NXPH1: variants seen among roughly 807,000 people sequenced by gnomAD.
The protein encoded by NXPH1 is neurexophilin-1.
A neutral mutation model predicts 23.7 loss-of-function variants in NXPH1; 5 were observed. That is an observed-to-expected ratio of 0.21 (90% confidence interval 0.11 to 0.44). The LOEUF (loss-of-function observed/expected upper bound fraction) is 0.44. NXPH1 is among the 20% of genes least tolerant of loss of function. The pLI is 0.99. For missense variants in NXPH1, 324 were observed against 321.6 expected, an observed-to-expected ratio of 1.01 and a Z score of -0.06; for synonymous variants, 144 against 122.2, an observed-to-expected ratio of 1.18 and a Z score of -1.18.
chr7:8,672,226 G>A (rs1265701462), intron 2 of NXPH1, among the ~76,000 whole-genome samples: 1 of 151,994 alleles, frequency 6.6e-6, no homozygotes, highest in East Asian at 1.9e-4. Context: ...CTATCGCAAG[G>A]ACAAAAAACC....
chr7:8,524,536 T>C (rs1817832553), intron 2 of NXPH1, among the ~76,000 whole-genome samples: 1 of 152,174 alleles, frequency 6.6e-6, no homozygotes, highest in Non-Finnish European at 1.5e-5. Context: ...CTTTGCCCAA[T>C]TAAGGGGACT....
At chr7:8,445,610 A>G (rs1816390739) in intron 2 of NXPH1, among the ~76,000 whole-genome samples, 1 of 152,264 alleles carries the variant, frequency 6.6e-6, no homozygotes, top group Non-Finnish European at 1.5e-5. Flanking sequence ...TGGCACAAAA[A>G]TTACGACAAA....
Position 8,721,898 on chromosome 7 carries a change from G to A in NXPH1, c.55-29110G>A, listed in dbSNP as rs1375599642. On this transcript the variant is annotated intron_variant, in intron 2 of 2. Coordinates refer to ENST00000405863, the MANE Select transcript of NXPH1 (RefSeq NM_152745.3). The stretch of plus-strand genomic sequence containing the variant: ...ACATTTTAATTAAAAGGAAATTAAT[G>A]ATACACTTAGAATATGCTATTTAAT... Among the ~76,000 whole-genome samples, 14 of 152,324 alleles carry A rather than the reference G, an allele frequency of 9.2e-5. No homozygotes were observed. The East Asian group carries it at 2.7e-3, about 29-fold the overall frequency.
At chr7:8,461,937 T>G (rs528575077) in intron 2 of NXPH1, among the ~76,000 whole-genome samples, 1 of 152,046 alleles carries the variant, frequency 6.6e-6, no homozygotes, top group African/African-American at 2.4e-5. Flanking sequence ...ACAAGCTACT[T>G]GGGGTTTATA....
intron 2 of NXPH1, among the ~76,000 whole-genome samples, chr7:8,623,848 C>T (rs1051958973): frequency 2.0e-5 from 3 of 151,752 alleles, no homozygotes; most frequent in Non-Finnish European, 2.9e-5. Context: ...TATCTACATT[C>T]ATACTCAGAC....
At chr7:8,636,296 C>A (rs144788108) in intron 2 of NXPH1, among the ~76,000 whole-genome samples, 2 of 152,034 alleles carry the variant, frequency 1.3e-5, no homozygotes, top group African/African-American at 2.4e-5. Flanking sequence ...CTCAGGGCAC[C>A]GTGGGCATAT....
At chr7:8,465,444 C>T (rs575728361) in intron 2 of NXPH1, among the ~76,000 whole-genome samples, 60 of 146,418 alleles carry the variant, frequency 4.1e-4, no homozygotes, top group Non-Finnish European at 6.6e-4. Flanking sequence ...AGGTCATGGT[C>T]CAGCTCAGCC....
intron 2 of NXPH1, among the ~76,000 whole-genome samples, chr7:8,516,362 A>T (rs575104803): frequency 8.5e-5 from 13 of 152,166 alleles, no homozygotes; most frequent in Admixed American, 2.6e-4. Flanking sequence ...TCATCAATCA[A>T]TAAGAAACCA....
At chr7:8,660,347 C>G (rs993875178) in intron 2 of NXPH1, among the ~76,000 whole-genome samples, 1 of 152,260 alleles carries the variant, frequency 6.6e-6, no homozygotes, top group African/African-American at 2.4e-5. Flanking sequence ...CAACTCTTAA[C>G]TTACTGAACC....
At chr7:8,510,485 T>C (rs1817594062) in intron 2 of NXPH1, among the ~76,000 whole-genome samples, 1 of 152,060 alleles carries the variant, frequency 6.6e-6, no homozygotes, top group Non-Finnish European at 1.5e-5. Flanking sequence ...ATCTACATGT[T>C]CTGCACATAC....
intron 2 of NXPH1, among the ~76,000 whole-genome samples, chr7:8,639,289 C>T (rs532869761): frequency 6.6e-5 from 10 of 152,260 alleles, no homozygotes; most frequent in African/African-American, 2.4e-4. Flanking sequence ...ATAGCTGCCT[C>T]TATATGGGCA....
chr7:8,483,573 G>T (rs934919414), intron 2 of NXPH1, among the ~76,000 whole-genome samples: 6 of 152,014 alleles, frequency 3.9e-5, no homozygotes, highest in Non-Finnish European at 8.8e-5. Context: ...CCTCCCAAAC[G>T]GCTGGGATTA....
At chr7:8,525,034 C>A (rs1171829553) in intron 2 of NXPH1, among the ~76,000 whole-genome samples, 3 of 152,174 alleles carry the variant, frequency 2.0e-5, no homozygotes, top group Non-Finnish European at 4.4e-5. Flanking sequence ...ATTTGAAGGG[C>A]TCAGAAGAAG....
intron 2 of NXPH1, among the ~76,000 whole-genome samples, chr7:8,451,161 T>G (rs1816500861): frequency 6.6e-6 from 1 of 151,946 alleles, no homozygotes; most frequent in African/African-American, 2.4e-5. Flanking sequence ...TATTTTTTCT[T>G]ATAGATCCCT....
chr7:8,572,412 A>G (rs536524469), intron 2 of NXPH1, among the ~76,000 whole-genome samples: 1 of 152,010 alleles, frequency 6.6e-6, no homozygotes, highest in Non-Finnish European at 1.5e-5. Flanking sequence ...AAATTATGCC[A>G]TGATTTTTCT....
At position 8,435,802 on chromosome 7, in the gene NXPH1, T is replaced by C. The variant is rs181437833; in HGVS notation, c.54+35T>C. 213 of 1,608,160 alleles carry C rather than the reference T, an allele frequency of 1.3e-4. No homozygotes were observed. The highest frequency in any genetic ancestry group is 1.7e-4 in the Non-Finnish European group (195 of 1,174,738). ...GGAAGGTTCGGGGCTTTCGCATTTT[T>C]ACCCCGGCCGGGAGGCAAGGAAACT... is the stretch of plus-strand genomic sequence containing the variant. On this transcript the variant is annotated intron_variant, in intron 2 of 2. Transcript: ENST00000405863. This position sits in a 1 kb window ranked among gnomAD's most constrained non-coding sequence, Gnocchi z 5.9.
At chr7:8,699,346 A>C (rs1284308967) in intron 2 of NXPH1, among the ~76,000 whole-genome samples, 3 of 152,118 alleles carry the variant, frequency 2.0e-5, no homozygotes, top group Non-Finnish European at 2.9e-5. Flanking sequence ...CTAATTGTTT[A>C]TTAGAAAAGA....
intron 2 of NXPH1, among the ~76,000 whole-genome samples, chr7:8,555,136 G>C (rs1192490424): frequency 1.3e-5 from 2 of 151,684 alleles, no homozygotes; most frequent in Non-Finnish European, 3.0e-5. Context: ...CTGGTGTCAA[G>C]AGCCTGTGGT....
chr7:8,700,959 T>C (rs1436740295), intron 2 of NXPH1, among the ~76,000 whole-genome samples: 1 of 152,140 alleles, frequency 6.6e-6, no homozygotes, highest in Non-Finnish European at 1.5e-5. Flanking sequence ...ATGTGAAATT[T>C]AGATGAAGTT....
Sources: gnomAD v4.1 joint callset for allele counts (sites outside exome capture counted in the v4.1 genomes callset) on GRCh38, gnomAD v4.1.1 for gene constraint, Gnocchi (gnomAD v3.1) non-coding constraint, MANE v1.5 for transcripts, NCBI Gene and HGNC (gene_info 2026-07-23, HGNC 2026-07-21) for gene names.